Variants in MYLK2 observed in about 807,000 individuals in gnomAD.
The protein encoded by MYLK2 is myosin light chain kinase 2, skeletal/cardiac muscle.
A neutral mutation model predicts 58.2 loss-of-function variants in MYLK2; 27 were observed. The ratio of observed to expected loss-of-function variants is 0.46; its 90% confidence interval spans 0.34 to 0.64. The LOEUF (loss-of-function observed/expected upper bound fraction) is 0.64. MYLK2 is among the 30% of genes least tolerant of loss of function. The pLI is 0.01. For missense variants in MYLK2, 676 were observed against 764.3 expected, an observed-to-expected ratio of 0.88 and a Z score of 1.36; for synonymous variants, 310 against 296.7, an observed-to-expected ratio of 1.04 and a Z score of -0.46.
chr20:31,822,411 G>T (rs1403522604), intron 4 of MYLK2, among the ~76,000 whole-genome samples: 1 of 152,326 alleles, frequency 6.6e-6, no homozygotes, highest in East Asian at 1.9e-4. Flanking sequence ...GCGCTGAGGA[G>T]CACAGGTGCC....
At chr20:31,826,978 C>T (rs2062283713) in intron 8 of MYLK2, 40 bp downstream of exon 8, 2 of 1,613,136 alleles carry the variant, frequency 1.2e-6, no homozygotes, top group Admixed American at 1.7e-5. Context: ...CAGGGGCAGC[C>T]TCCGACCCCC....
chr20:31,821,784 G>C, intron 4 of MYLK2, 47 bp downstream of exon 4: 8 of 1,506,528 alleles, frequency 5.3e-6, no homozygotes, highest in African/African-American at 2.8e-5. Context: ...GGGCCAGGGG[G>C]AGGGAAGGGG....
chr20:31,823,495 C>A lies in MYLK2; in HGVS notation c.791C>A (p.Pro264Gln). The change falls in exon 5 of 13, where the codon CCG (proline) becomes CAG (glutamine). Residue 264 changes from proline to glutamine, a missense_variant. Pro to Gln is a moderately conservative substitution (Grantham distance 76). Coordinates refer to ENST00000375985, the MANE Select transcript of MYLK2 (RefSeq NM_033118.4). The stretch of plus-strand genomic sequence containing the variant: ...CCCCCAGATGATTGCCCGCCACCTC[C>A]GGCCCCCTTCCCTCACCGCATGGTG... ...FQILDDCPPP[P>Q]APFPHRMVEL... is the part of the protein sequence containing the mutation. 1 of 1,613,348 alleles carries A rather than the reference C, an allele frequency of 6.2e-7. No homozygotes were observed. The highest frequency in any genetic ancestry group is 8.5e-7 in the Non-Finnish European group (1 of 1,180,022).
intron 8 of MYLK2, chr20:31,828,221 C>A: frequency 2.0e-6 from 2 of 985,352 alleles, no homozygotes; most frequent in African/African-American, 1.7e-5. Context: ...CAACTCCAGT[C>A]AGTTGTCCGT....
intron 4 of MYLK2, 34 bp from the exon 5 acceptor site, chr20:31,823,443 G>T (rs201696786): frequency 1.3e-6 from 2 of 1,586,850 alleles, no homozygotes; most frequent in African/African-American, 2.7e-5. Context: ...GCAGCCCCTG[G>T]CACTGACCAT....
At position 31,832,024 on chromosome 20, in the gene MYLK2, A is replaced by G. The variant is rs756882768; in HGVS notation, c.1598A>G (p.Gln533Arg). ...CCCAGGGCCCGGATGAACGCTGCCC[A>G]GTGTCTCGCCCATCCCTGGCTCAAC... ...KDQRARMNAA[Q>R]CLAHPWLNNL... is the part of the protein sequence containing the mutation. The change falls in exon 12 of 13, where the codon CAG becomes CGG. Residue 533 changes from glutamine to arginine, a missense_variant. Coordinates refer to ENST00000375985, the MANE Select transcript of MYLK2 (RefSeq NM_033118.4). The G allele has an allele frequency of 1.1e-5, 18 of 1,608,770 alleles. No homozygotes were observed. The South Asian group carries it at 1.8e-4, about 16-fold the overall frequency.
rs748191363 is a variant in MYLK2, at chr20:31,820,119, T to C, written c.53-7T>C. On this transcript the variant is annotated splice_polypyrimidine_tract_variant and splice_region_variant and intron_variant, in intron 2 of 12. Coordinates refer to ENST00000375985, the MANE Select transcript of MYLK2 (RefSeq NM_033118.4). ...GGATCCTGATGGGTGTCTCACCTCC[T>C]CTGCAGACAAGGCACCTAAAGGTCC... 6.2e-7 allele frequency: 1 copy of C among 1,613,544 alleles called. No homozygotes were observed. Among genetic ancestry groups the C allele is most frequent in the Non-Finnish European group, 8.5e-7 (1 of 1,179,986 alleles).
chr20:31,819,658 G>A (rs1457679153), intron 2 of MYLK2, 26 bp downstream of exon 2: 6 of 1,551,384 alleles, frequency 3.9e-6, no homozygotes, highest in Non-Finnish European at 5.2e-6. Flanking sequence ...AGGAGATGGA[G>A]GGAGGAGCTT....
chr20:31,820,009 G>A, intron 2 of MYLK2, 117 bp from the exon 3 acceptor site: 3 of 1,322,014 alleles, frequency 2.3e-6, no homozygotes, highest in East Asian at 2.3e-5. Flanking sequence ...AGTGGGACAA[G>A]CATTTGCAAG....
intron 12 of MYLK2, 113 bp downstream of exon 12, chr20:31,832,249 C>T: frequency 6.9e-7 from 1 of 1,443,238 alleles, no homozygotes; most frequent in Non-Finnish European, 9.4e-7. Context: ...CCAGGCTGGG[C>T]CCTGTCCGGA....
chr20:31,819,472 A>G, intron 1 of MYLK2, 44 bp downstream of exon 1: 1 of 1,432,852 alleles, frequency 7.0e-7, no homozygotes, highest in South Asian at 1.2e-5. Flanking sequence ...TTCCTGTCTC[A>G]CTGCAGCCAG....
intron 8 of MYLK2, chr20:31,827,485 C>T (rs1339519108): frequency 2.0e-6 from 2 of 985,210 alleles, no homozygotes; most frequent in Non-Finnish European, 2.4e-6. Flanking sequence ...ATGAGGTAGG[C>T]GCTAACAACA....
At chr20:31,819,978 ATCAAGTGGCCC>A in intron 2 of MYLK2, 137 bp from the exon 3 acceptor site, 1 of 1,054,148 alleles carries the variant, frequency 9.5e-7, no homozygotes, top group Non-Finnish European at 1.4e-6. Context: ...TCTAGGGGCC[ATCAAGTGGCCC>A]CAGAGACTCA....
At chr20:31,830,947 G>T (rs2062303343) in intron 9 of MYLK2, 58 bp downstream of exon 9, 1 of 1,613,844 alleles carries the variant, frequency 6.2e-7, no homozygotes, top group Admixed American at 1.7e-5. Context: ...AGGGGACAGG[G>T]GTGGGGTGGA....
chr20:31,827,966 C>A (rs957510288), intron 8 of MYLK2, among the ~76,000 whole-genome samples: 50 of 145,112 alleles, frequency 3.4e-4, no homozygotes, highest in African/African-American at 1.2e-3. Flanking sequence ...TGGCTTACTG[C>A]AACCTCTGTC....
chr20:31,830,476 G>A (rs1293501010), intron 8 of MYLK2, among the ~76,000 whole-genome samples: 1 of 152,158 alleles, frequency 6.6e-6, no homozygotes, highest in Non-Finnish European at 1.5e-5. Context: ...CAGCCTGGGG[G>A]CGGGGATAGC....
chr20:31,820,101 G>C, intron 2 of MYLK2, 25 bp from the exon 3 acceptor site: 1 of 1,613,062 alleles, frequency 6.2e-7, no homozygotes, highest in Non-Finnish European at 8.5e-7. Flanking sequence ...GGTGGATCCT[G>C]ATGGGTGTCT....
At chr20:31,830,950 G>T (rs1361706815) in intron 9 of MYLK2, 61 bp downstream of exon 9, 1 of 1,613,874 alleles carries the variant, frequency 6.2e-7, no homozygotes, top group Admixed American at 1.7e-5. Flanking sequence ...GGACAGGGGT[G>T]GGGTGGAGGG....
chr20:31,823,352 CCCCAGG>C, intron 4 of MYLK2, 119 bp from the exon 5 acceptor site: 1 of 812,290 alleles, frequency 1.2e-6, no homozygotes, highest in South Asian at 1.5e-5. Context: ...GCCAGGTGTC[CCCCAGG>C]TATCACTTGG....
Sources: allele counts gnomAD v4.1 joint callset (sites outside exome capture counted in the v4.1 genomes callset), GRCh38; gene constraint gnomAD v4.1.1; transcripts MANE v1.5; gene names NCBI Gene and HGNC (gene_info 2026-07-23, HGNC 2026-07-21).